ROBO2: variants seen among roughly 807,000 people sequenced by gnomAD.
The protein encoded by ROBO2 is roundabout homolog 2.
A neutral mutation model predicts 160.8 loss-of-function variants in ROBO2; 53 were observed. That is an observed-to-expected ratio of 0.33 (90% CI 0.26 to 0.41). ROBO2 has a LOEUF of 0.41. Ranked by LOEUF, ROBO2 falls within the 10% of genes least tolerant of loss-of-function variation. The pLI, the probability that ROBO2 is intolerant of heterozygous loss-of-function variation, is 1.00. For synonymous variants in ROBO2, 664 were observed against 611.7 expected (o/e 1.09, Z -1.26); for missense variants, 1,577 against 1,722.4 (o/e 0.92, Z 1.49).
intron 2 of ROBO2, among the ~76,000 whole-genome samples, chr3:76,435,606 G>A (rs2076637477): frequency 6.6e-6 from 1 of 152,160 alleles, no homozygotes; most frequent in Non-Finnish European, 1.5e-5. Flanking sequence ...GGGTGGGATA[G>A]CAGGTCAGTT....
intron 2 of ROBO2, among the ~76,000 whole-genome samples, chr3:76,889,210 C>T (rs1474963141): frequency 6.6e-6 from 1 of 152,182 alleles, no homozygotes; most frequent in Non-Finnish European, 1.5e-5. Flanking sequence ...ATGAGACTGA[C>T]TCACTTGCTT....
At chr3:77,518,944 C>T (rs966564963) in intron 5 of ROBO2, among the ~76,000 whole-genome samples, 10 of 151,444 alleles carry the variant, frequency 6.6e-5, no homozygotes, top group African/African-American at 2.4e-4. Context: ...CAAACCTGGC[C>T]CATGTCACCA....
At chr3:77,355,602 T>C (rs2068996627) in intron 2 of ROBO2, among the ~76,000 whole-genome samples, 1 of 152,068 alleles carries the variant, frequency 6.6e-6, no homozygotes, top group Non-Finnish European at 1.5e-5. Flanking sequence ...GATGCAGATA[T>C]GAGTAGGACA....
In ROBO2 at chr3:75,989,832, A is replaced by G. The variant is rs1019110222; in HGVS notation, c.109+52230A>G. Among the ~76,000 whole-genome samples, 3 of 152,360 alleles carry G rather than the reference A, an allele frequency of 2.0e-5. No individual in the cohort carries two copies. In the East Asian group the frequency reaches 5.8e-4, roughly 29 times the overall value. On this transcript the variant is annotated intron_variant, in intron 2 of 26. Coordinates refer to the ROBO2 transcript ENST00000487694. ...GTAGAAGTATGTGCTAAGGATGCGT[A>G]ACACACATTCTGTGATTGGTGGCGG...
intron 2 of ROBO2, among the ~76,000 whole-genome samples, chr3:76,671,456 A>C (rs142342491): frequency 2.6e-3 from 395 of 152,290 alleles, no homozygotes; most frequent in African/African-American, 9.1e-3. Context: ...GCGTTTTAAC[A>C]TTTACGTTGT....
intron 11 of ROBO2, chr3:77,564,496 T>C (rs745666364): frequency 3.5e-5 from 16 of 455,502 alleles, no homozygotes; most frequent in South Asian, 2.3e-4. Context: ...GTGGAAATGA[T>C]GCAAAAGAAA....
At chr3:76,563,346 G>A (rs903459048) in intron 2 of ROBO2, among the ~76,000 whole-genome samples, 1 of 152,120 alleles carries the variant, frequency 6.6e-6, no homozygotes, top group Non-Finnish European at 1.5e-5. Context: ...ATAATTTTGA[G>A]AACACTAACC....
intron 1 of ROBO2, among the ~76,000 whole-genome samples, chr3:77,087,658 A>G (rs2069504472): frequency 6.6e-6 from 1 of 152,024 alleles, no homozygotes; most frequent in African/African-American, 2.4e-5. Flanking sequence ...GAGTTTCAAA[A>G]TTTATCTTCA....
intron 2 of ROBO2, among the ~76,000 whole-genome samples, chr3:77,374,593 T>C (rs547304756): frequency 6.6e-6 from 1 of 152,288 alleles, no homozygotes; most frequent in East Asian, 1.9e-4. Flanking sequence ...TCCTTAAAGT[T>C]TTTGTAAGTT....
chr3:76,809,679 A>AC (rs1166102196), intron 2 of ROBO2, among the ~76,000 whole-genome samples: 1 of 152,072 alleles, frequency 6.6e-6, no homozygotes, highest in Non-Finnish European at 1.5e-5. Context: ...ACACCTTCTA[A>AC]CCTTATTTGT....
chr3:76,086,867 T>C (rs2069036302), intron 2 of ROBO2, among the ~76,000 whole-genome samples: 1 of 152,066 alleles, frequency 6.6e-6, no homozygotes, highest in Non-Finnish European at 1.5e-5. Flanking sequence ...CAAAAAGAAG[T>C]ATTAGAGTTT....
At chr3:76,882,117 T>A (rs957835554) in intron 2 of ROBO2, among the ~76,000 whole-genome samples, 7 of 151,568 alleles carry the variant, frequency 4.6e-5, no homozygotes, top group Non-Finnish European at 1.5e-5. Flanking sequence ...TGTGTGTCTG[T>A]GTGTGTGTCT....
At chr3:77,547,004 A>G (rs2092722974) in intron 7 of ROBO2, among the ~76,000 whole-genome samples, 1 of 152,012 alleles carries the variant, frequency 6.6e-6, no homozygotes, top group Admixed American at 6.6e-5. Flanking sequence ...ATTCATCCAT[A>G]GTGGGGTTAG....
chr3:76,605,101 A>G (rs1014409288), intron 2 of ROBO2, among the ~76,000 whole-genome samples: 37 of 152,158 alleles, frequency 2.4e-4, no homozygotes, highest in Admixed American at 1.5e-3. Flanking sequence ...AAATACTGGA[A>G]AAATATATAC....
At chr3:77,198,046 C>G (rs560432463) in intron 2 of ROBO2, among the ~76,000 whole-genome samples, 11 of 152,158 alleles carry the variant, frequency 7.2e-5, no homozygotes, top group African/African-American at 2.7e-4. Context: ...TCACTGGCAC[C>G]CAGTACAGTG....
intron 2 of ROBO2, among the ~76,000 whole-genome samples, chr3:76,341,504 CAA>C (rs1003765397): frequency 7.4e-5 from 7 of 94,622 alleles, no homozygotes; most frequent in Non-Finnish European, 9.0e-5. Flanking sequence ...TATCTCTTTA[CAA>C]AAAAAAAAAA....
intron 1 of ROBO2, among the ~76,000 whole-genome samples, chr3:77,078,877 C>T (rs149712072): frequency 2.6e-5 from 4 of 152,202 alleles, no homozygotes; most frequent in African/African-American, 9.6e-5. Context: ...GTGACCTGGC[C>T]ACTTGTCTTT....
chr3:77,349,560 A>G (rs189778852), intron 2 of ROBO2, among the ~76,000 whole-genome samples: 1 of 152,332 alleles, frequency 6.6e-6, no homozygotes, highest in Admixed American at 6.5e-5. Flanking sequence ...ACCATTACTG[A>G]TTAAATGGTT....
chr3:76,312,686 G>T (rs1228605720), intron 2 of ROBO2, among the ~76,000 whole-genome samples: 1 of 152,178 alleles, frequency 6.6e-6, no homozygotes, highest in African/African-American at 2.4e-5. Flanking sequence ...AGTAGCTTAG[G>T]ATTTAGCGAT....
Sources: allele counts gnomAD v4.1 joint callset (sites outside exome capture counted in the v4.1 genomes callset), GRCh38; gene constraint gnomAD v4.1.1; transcripts MANE v1.5; gene names NCBI Gene and HGNC (gene_info 2026-07-23, HGNC 2026-07-21).